LITAF: variants seen among roughly 807,000 people sequenced by gnomAD.
LITAF encodes lipopolysaccharide induced TNF factor.
LITAF carries 9 observed loss-of-function variants against 14.5 expected under a neutral mutation model. The observed-to-expected ratio is 0.62, with a 90% CI of 0.37 to 1.08. The LOEUF (loss-of-function observed/expected upper bound fraction) is 1.08. Among genes scored for constraint, LITAF ranks in the 50% least tolerant of loss-of-function variants. LITAF has a pLI of 0.01. For synonymous variants in LITAF, 98 were observed against 88.2 expected (o/e 1.11, Z -0.62); for missense variants, 206 against 213.4 (o/e 0.97, Z 0.22).
At chr16:11,629,783 A>C (rs1415492774) in intron 3 of LITAF, among the ~76,000 whole-genome samples, 1 of 152,176 alleles carries the variant, frequency 6.6e-6, no homozygotes, top group Non-Finnish European at 1.5e-5. Context: ...GGTTGACTCA[A>C]GTCTCCAGCG....
chr16:11,636,068 A>C (rs2065136867), intron 1 of LITAF: 1 of 152,220 alleles, frequency 6.6e-6, no homozygotes, highest in Non-Finnish European at 1.5e-5. Flanking sequence ...CTGGGCACGA[A>C]CATTGTGTGG....
chr16:11,579,086 G>C (rs570405888), intron 1 of LITAF, among the ~76,000 whole-genome samples: 1 of 152,292 alleles, frequency 6.6e-6, no homozygotes, highest in East Asian at 1.9e-4. Flanking sequence ...CTACTCGGGA[G>C]GCTGAGGCAG....
intron 1 of LITAF, among the ~76,000 whole-genome samples, chr16:11,584,848 G>A (rs937634280): frequency 2.0e-5 from 3 of 152,096 alleles, no homozygotes; most frequent in Admixed American, 6.6e-5. Context: ...TAAAAGGAAC[G>A]GAAGTAACAA....
rs2064802952 is a variant in LITAF, at chr16:11,586,232, C to A, written c.-6+654G>T. On this transcript the variant is annotated intron_variant, in intron 1 of 3. Coordinates refer to ENST00000622633, the MANE Select transcript of LITAF (RefSeq NM_001136472.2). The surrounding 1 kb of genome is among the most constrained non-coding windows in gnomAD (Gnocchi z 6.5). Reference sequence around the variant, plus strand: ...AGAGGACCCCTGCGCTCGCGGGGTGCCCGCCTTACCCCGCGGGGAGGGGTC... The same window carrying A: ...AGAGGACCCCTGCGCTCGCGGGGTGACCGCCTTACCCCGCGGGGAGGGGTC... 6.6e-6 allele frequency: 1 copy of A among 152,316 alleles called. No individual in the cohort carries two copies. Among genetic ancestry groups the A allele is most frequent in the Non-Finnish European group, 1.5e-5 (1 of 68,086 alleles). The allele number at this position is 152,316 out of a possible 1,614,324, so 9.4% of individuals were successfully genotyped here. A position where few individuals can be genotyped will look rare whatever the true frequency, so the allele number is the denominator to read the frequency against.
In LITAF at chr16:11,553,274, G is replaced by C. The variant is rs189687474; in HGVS notation, c.377+259C>G. On this transcript the variant is annotated intron_variant, in intron 3 of 3. Transcript: ENST00000622633. The surrounding 1 kb of genome is among the most constrained non-coding windows in gnomAD (Gnocchi z 7.7). Reference sequence around the variant, plus strand: ...GCTCTACTAAAAATAAGCTGGGCGTGGTTGTGCACCCCTATAATCCCAGCT... The same window carrying C: ...GCTCTACTAAAAATAAGCTGGGCGTCGTTGTGCACCCCTATAATCCCAGCT... The C allele has an allele frequency of 4.4e-6, 2 of 456,040 alleles. No homozygotes were observed. Among genetic ancestry groups the C allele is most frequent in the African/African-American group, 4.0e-5 (2 of 50,320 alleles). 28.2% of individuals were successfully genotyped at this position (456,040 alleles called of 1,614,324 possible). A position where few individuals can be genotyped will look rare whatever the true frequency, so the allele number is the denominator to read the frequency against.
chr16:11,581,613 T>A (rs2064736860), intron 1 of LITAF, among the ~76,000 whole-genome samples: 1 of 152,116 alleles, frequency 6.6e-6, no homozygotes, highest in South Asian at 2.1e-4. Flanking sequence ...AACAAGGCCC[T>A]ATCTCAAAAA....
intron 3 of LITAF, among the ~76,000 whole-genome samples, chr16:11,615,624 C>T (rs1033060464): frequency 1.3e-5 from 2 of 152,100 alleles, no homozygotes; most frequent in African/African-American, 4.8e-5. Flanking sequence ...ACCGAGATTG[C>T]ACCACTGCAC....
intron 1 of LITAF, among the ~76,000 whole-genome samples, chr16:11,563,451 G>T (rs1438228161): frequency 6.6e-6 from 1 of 152,100 alleles, no homozygotes; most frequent in African/African-American, 2.4e-5. Flanking sequence ...CGCCTGGCCA[G>T]AAATTATTAA....
At chr16:11,638,701 C>CAAAAAAAAAAAAAAAA (rs57170972), upstream of LITAF, among the ~76,000 whole-genome samples, 1 of 75,952 alleles carries the variant, frequency 1.3e-5, no homozygotes, top group Non-Finnish European at 3.2e-5. Flanking sequence ...GACTCTGTCT[C>CAAAAAAAAAAAAAAAA]AAAAAAAAAA....
rs2064211115 is a variant in LITAF, at chr16:11,553,346, G to T, written c.377+187C>A. 6 of 635,034 alleles carry T rather than the reference G, an allele frequency of 9.4e-6. No individual in the cohort carries two copies. The South Asian group carries it at 1.1e-4, about 11-fold the overall frequency. The allele number at this position is 635,034 out of a possible 1,614,324, so 39.3% of individuals were successfully genotyped here. ...GAATCGTTTGAACCTGAGCAGTGGGGGTTACAGTGAGCCGAGATCGCCCCA... is the reference window on the plus strand; with the variant it reads ...GAATCGTTTGAACCTGAGCAGTGGGTGTTACAGTGAGCCGAGATCGCCCCA... On this transcript the variant is annotated intron_variant, in intron 3 of 3. Coordinates refer to ENST00000622633, the MANE Select transcript of LITAF (RefSeq NM_001136472.2). This position sits in a 1 kb window ranked among gnomAD's most constrained non-coding sequence, Gnocchi z 7.7.
At chr16:11,616,617 T>C (rs1256393890) in intron 3 of LITAF, among the ~76,000 whole-genome samples, 3 of 151,976 alleles carry the variant, frequency 2.0e-5, no homozygotes, top group African/African-American at 7.2e-5. Context: ...AAAGACCAAA[T>C]ACATATTTCC....
At position 11,586,722 on chromosome 16, in the gene LITAF, C is replaced by T. The variant is rs937051034; in HGVS notation, c.-6+164G>A. On this transcript the variant is annotated intron_variant, in intron 1 of 3. Coordinates refer to ENST00000622633, the MANE Select transcript of LITAF (RefSeq NM_001136472.2). This position sits in a 1 kb window ranked among gnomAD's most constrained non-coding sequence, Gnocchi z 6.5. The stretch of plus-strand genomic sequence containing the variant: ...CCCGCCCCGGCCGGGCCCCCACGCC[C>T]TCCGCCGCGCCTCGATGCCCGCGAC... Among the ~76,000 whole-genome samples the T allele has an allele frequency of 7.3e-5, 11 of 151,686 alleles. No individual in the cohort carries two copies. The highest frequency in any genetic ancestry group is 6.6e-4 in the Admixed American group (10 of 15,240).
chr16:11,612,121 A>G (rs1313307788), intron 3 of LITAF, among the ~76,000 whole-genome samples: 2 of 152,282 alleles, frequency 1.3e-5, no homozygotes, highest in Admixed American at 6.5e-5. Context: ...CCACACAGCC[A>G]TGTCACTGAG....
At chr16:11,618,237 T>A (rs1597373142) in intron 3 of LITAF, among the ~76,000 whole-genome samples, 1 of 152,174 alleles carries the variant, frequency 6.6e-6, no homozygotes, top group East Asian at 1.9e-4. Flanking sequence ...ATGCCCAAAC[T>A]TTTCCCCCTT....
rs373958927 is a variant in LITAF, at chr16:11,556,243, G to A, written c.220+268C>T. The stretch of plus-strand genomic sequence containing the variant: ...CACAAACTCCCATTCTCAGAAGAAA[G>A]TTGGTTGTGCCTCCAAGAGATGTGC... On this transcript the variant is annotated intron_variant, in intron 2 of 3. Transcript: ENST00000622633. 9.5e-5 allele frequency: 51 copies of A among 539,456 alleles called. No homozygotes were observed. The East Asian group carries it at 1.4e-3, about 15-fold the overall frequency. 33.4% of individuals were successfully genotyped at this position (539,456 alleles called of 1,614,324 possible).
intron 3 of LITAF, among the ~76,000 whole-genome samples, chr16:11,621,508 C>A (rs1312600147): frequency 6.6e-6 from 1 of 152,160 alleles, no homozygotes; most frequent in Non-Finnish European, 1.5e-5. Flanking sequence ...CCTGGCCCAC[C>A]CATGACTTTC....
intron 1 of LITAF, among the ~76,000 whole-genome samples, chr16:11,580,835 G>C (rs2064721212): frequency 6.6e-6 from 1 of 152,012 alleles, no homozygotes; most frequent in Non-Finnish European, 1.5e-5. Context: ...CACTATCTCG[G>C]CTCACTGCAG....
chr16:11,594,921 AAAAAT>A (rs555753987), intron 1 of LITAF, among the ~76,000 whole-genome samples: 12,759 of 148,348 alleles, frequency 0.086, 733 homozygotes, highest in Non-Finnish European at 0.13. Context: ...AAATAAAAAT[AAAAAT>A]AAAATAAAGG....
intron 3 of LITAF, among the ~76,000 whole-genome samples, chr16:11,628,536 C>T (rs1417396498): frequency 1.3e-5 from 2 of 152,198 alleles, no homozygotes; most frequent in African/African-American, 2.4e-5. Context: ...CAAGATCTTG[C>T]TCTGTTGCCC....
Sources: allele counts gnomAD v4.1 joint callset (sites outside exome capture counted in the v4.1 genomes callset), GRCh38; gene constraint gnomAD v4.1.1; non-coding constraint Gnocchi (gnomAD v3.1); transcripts MANE v1.5; gene names NCBI Gene and HGNC (gene_info 2026-07-23, HGNC 2026-07-21).